Variants in LHFPL3 observed in about 807,000 individuals in gnomAD.
The protein encoded by LHFPL3 is LHFPL tetraspan subfamily member 3 protein.
Under a neutral mutation model 19.3 loss-of-function variants are expected in LHFPL3, and 5 were observed. That is an observed-to-expected ratio of 0.26 (90% CI 0.14 to 0.54). The LOEUF (loss-of-function observed/expected upper bound fraction) is 0.54, where lower values mean the gene tolerates loss of function less well. Among genes scored for constraint, LHFPL3 ranks in the 20% least tolerant of loss-of-function variants. The pLI, the probability that LHFPL3 is intolerant of heterozygous loss-of-function variation, is 0.94. For synonymous variants in LHFPL3, 133 were observed against 126.2 expected (o/e 1.05, Z -0.36); for missense variants, 249 against 307.4 (o/e 0.81, Z 1.42).
At chr7:104,494,217 CA>C (rs1176464078) in intron 1 of LHFPL3, among the ~76,000 whole-genome samples, 1 of 152,074 alleles carries the variant, frequency 6.6e-6, no homozygotes, top group East Asian at 1.9e-4. Flanking sequence ...TATTATTTTA[CA>C]AAATAATATG....
intron 2 of LHFPL3, among the ~76,000 whole-genome samples, chr7:104,770,763 G>A (rs928459634): frequency 6.6e-6 from 1 of 152,112 alleles, no homozygotes; most frequent in South Asian, 2.1e-4. Context: ...GTCATCTGAA[G>A]CAAAACCAGA....
chr7:104,815,572 T>C (rs1448396462), intron 2 of LHFPL3, among the ~76,000 whole-genome samples: 1 of 152,216 alleles, frequency 6.6e-6, no homozygotes, highest in East Asian at 1.9e-4. Flanking sequence ...TCTGTACATT[T>C]TAAGTTTTTC....
chr7:104,766,016 T>A (rs1794450451), intron 2 of LHFPL3, among the ~76,000 whole-genome samples: 2 of 152,234 alleles, frequency 1.3e-5, no homozygotes, highest in Non-Finnish European at 1.5e-5. Flanking sequence ...TCAGCTCTCA[T>A]AATTTGCTAA....
chr7:104,671,893 G>A (rs567924605), intron 1 of LHFPL3, among the ~76,000 whole-genome samples: 51 of 152,192 alleles, frequency 3.4e-4, no homozygotes, highest in African/African-American at 1.1e-3. Flanking sequence ...CTCTTACTCT[G>A]CTAATATCAA....
intron 1 of LHFPL3, among the ~76,000 whole-genome samples, chr7:104,391,366 G>A (rs576805320): frequency 8.5e-4 from 129 of 152,110 alleles, no homozygotes; most frequent in Non-Finnish European, 1.4e-3. Flanking sequence ...TTTGTATAAG[G>A]TGTAAGGAAG....
At position 104,430,405 on chromosome 7, in the gene LHFPL3, CAT is replaced by C. The variant is rs1465027136; in HGVS notation, c.445+101193_445+101194del. Among the ~76,000 whole-genome samples, 181 of 22,442 alleles carry C rather than the reference CAT, an allele frequency of 8.1e-3. 6 individuals carry two copies. The highest frequency in any genetic ancestry group is 0.011 in the Non-Finnish European group (140 of 13,166). 14.7% of individuals were successfully genotyped at this position (22,442 alleles called of 152,430 possible). On this transcript the variant is annotated intron_variant, in intron 1 of 2. Transcript: ENST00000424859. Reference sequence around the variant, plus strand: ...ATACATATATATATATATATATATACATATATATATATACATATATATATATA... The same window carrying C: ...ATACATATATATATATATATATATACATATATATATACATATATATATATA...
At chr7:104,530,777 G>T (rs1234719943) in intron 1 of LHFPL3, among the ~76,000 whole-genome samples, 1 of 151,982 alleles carries the variant, frequency 6.6e-6, no homozygotes, top group Non-Finnish European at 1.5e-5. Context: ...TACCTCCAAG[G>T]GTTTATTTTA....
chr7:104,854,252 AG>A (rs1333025054), intron 2 of LHFPL3, among the ~76,000 whole-genome samples: 1 of 148,618 alleles, frequency 6.7e-6, no homozygotes, highest in African/African-American at 2.4e-5. Flanking sequence ...GACCAGGAAA[AG>A]CATGGTAAAC....
chr7:104,408,143 C>T (rs1791456327), intron 1 of LHFPL3, among the ~76,000 whole-genome samples: 1 of 152,140 alleles, frequency 6.6e-6, no homozygotes, highest in Admixed American at 6.6e-5. Flanking sequence ...CTTTTTCTTA[C>T]TCTTATTTTA....
At chr7:104,663,266 T>C (rs1386896507) in intron 1 of LHFPL3, among the ~76,000 whole-genome samples, 1 of 152,204 alleles carries the variant, frequency 6.6e-6, no homozygotes, top group African/African-American at 2.4e-5. Flanking sequence ...ACTCATACCC[T>C]GAAAAAGAAA....
chr7:104,730,074 T>C (rs1165018390), intron 1 of LHFPL3, among the ~76,000 whole-genome samples: 1 of 152,194 alleles, frequency 6.6e-6, no homozygotes, highest in Non-Finnish European at 1.5e-5. Flanking sequence ...GGACATGAAC[T>C]CATCATTTTT....
intron 2 of LHFPL3, among the ~76,000 whole-genome samples, chr7:104,740,234 TAC>T (rs1251129354): frequency 6.6e-6 from 1 of 152,168 alleles, no homozygotes; most frequent in Non-Finnish European, 1.5e-5. Context: ...CTTTATAAAT[TAC>T]ACAGTCTCAA....
At chr7:104,353,491 A>G (rs1254650379) in intron 1 of LHFPL3, among the ~76,000 whole-genome samples, 1 of 152,234 alleles carries the variant, frequency 6.6e-6, no homozygotes, top group Non-Finnish European at 1.5e-5. Context: ...ATGATAAATT[A>G]TTCATTTGTA....
intron 1 of LHFPL3, among the ~76,000 whole-genome samples, chr7:104,340,764 G>C (rs554103894): frequency 6.6e-6 from 1 of 152,082 alleles, no homozygotes; most frequent in South Asian, 2.1e-4. Context: ...CAAAACACCA[G>C]GTTCAGTTAA....
intron 1 of LHFPL3, among the ~76,000 whole-genome samples, chr7:104,394,244 A>G (rs1791138647): frequency 2.0e-5 from 3 of 152,236 alleles, no homozygotes; most frequent in Middle Eastern, 3.2e-3. Flanking sequence ...CTCTGATTCA[A>G]TAAGTCTGAG....
rs1023751649 is a variant in LHFPL3 at position 104,411,232 on chromosome 7, G to A, written c.445+82008G>A. ...ATGAGTTCTGTTCTAGCTATCAGTA[G>A]TTTTTTATTGATAATAATGTTGATC... is the stretch of plus-strand genomic sequence containing the variant. On this transcript the variant is annotated intron_variant, in intron 1 of 2. Coordinates refer to ENST00000424859, the MANE Select transcript of LHFPL3 (RefSeq NM_199000.3). Among the ~76,000 whole-genome samples the A allele has an allele frequency of 3.3e-5, 5 of 152,108 alleles. No homozygotes were observed. In the East Asian group the frequency reaches 9.6e-4, roughly 29 times the overall value.
intron 1 of LHFPL3, among the ~76,000 whole-genome samples, chr7:104,517,976 T>C (rs912746297): frequency 6.6e-6 from 1 of 152,046 alleles, no homozygotes; most frequent in African/African-American, 2.4e-5. Context: ...GTAACAAAAC[T>C]GCACATTCTG....
chr7:104,776,332 G>A (rs1174266047), intron 2 of LHFPL3, among the ~76,000 whole-genome samples: 1 of 152,184 alleles, frequency 6.6e-6, no homozygotes, highest in East Asian at 1.9e-4. Flanking sequence ...GCACCCATGG[G>A]ACTCCCCATC....
intron 2 of LHFPL3, among the ~76,000 whole-genome samples, chr7:104,774,807 G>A (rs181790916): frequency 7.2e-5 from 11 of 152,244 alleles, no homozygotes; most frequent in African/African-American, 2.6e-4. Flanking sequence ...TCTGTTTGTA[G>A]TATAAGGAGC....
Sources: allele counts gnomAD v4.1 joint callset (sites outside exome capture counted in the v4.1 genomes callset), GRCh38; gene constraint gnomAD v4.1.1; transcripts MANE v1.5; gene names NCBI Gene and HGNC (gene_info 2026-07-23, HGNC 2026-07-21).